Variants in RBM47 observed in about 807,000 individuals in gnomAD.
RBM47 encodes RNA binding motif protein 47.
A neutral mutation model predicts 47.1 loss-of-function variants in RBM47; 21 were observed. The ratio of observed to expected loss-of-function variants is 0.45; its 90% CI spans 0.32 to 0.64. RBM47 has a LOEUF of 0.64. RBM47 is among the 30% of genes least tolerant of loss of function. The pLI, the probability that RBM47 is intolerant of heterozygous loss-of-function variation, is 0.05. For synonymous variants in RBM47, 375 were observed against 361.7 expected (o/e 1.04, Z -0.42); for missense variants, 708 against 870.9 (o/e 0.81, Z 2.35).
chr4:40,536,890 TAA>T (rs1173015185), intron 2 of RBM47, among the ~76,000 whole-genome samples: 1 of 152,048 alleles, frequency 6.6e-6, no homozygotes, highest in Non-Finnish European at 1.5e-5. Flanking sequence ...CACGCCAGGC[TAA>T]GTTTTTGTAT....
chr4:40,473,957 G>T (rs1719266838), intron 2 of RBM47, among the ~76,000 whole-genome samples: 1 of 152,184 alleles, frequency 6.6e-6, no homozygotes, highest in African/African-American at 2.4e-5. Context: ...TGGTGGTGAT[G>T]AGATTATCAT....
chr4:40,602,697 ATGGGCAAT>A (rs773704854), intron 1 of RBM47, among the ~76,000 whole-genome samples: 6 of 151,938 alleles, frequency 3.9e-5, no homozygotes, highest in Non-Finnish European at 7.4e-5. Flanking sequence ...AACTAGCCAA[ATGGGCAAT>A]TGAGAGAAGC....
intron 2 of RBM47, among the ~76,000 whole-genome samples, chr4:40,524,698 G>A (rs1005333938): frequency 1.3e-5 from 2 of 152,202 alleles, no homozygotes; most frequent in Non-Finnish European, 2.9e-5. Context: ...TCAGCTCACT[G>A]CAGCCTTGAC....
intron 1 of RBM47, among the ~76,000 whole-genome samples, chr4:40,564,389 G>A (rs553923662): frequency 2.0e-5 from 3 of 152,124 alleles, no homozygotes; most frequent in Non-Finnish European, 1.5e-5. Flanking sequence ...AGCTACCCCC[G>A]AACCTGCACA....
rs1403953939 is a variant in RBM47, at chr4:40,565,076, G to A, written c.-239-20570C>T. 2.6e-5 allele frequency among the ~76,000 whole-genome samples: 4 copies of A among 152,216 alleles called. No homozygotes were observed. In the East Asian group the frequency reaches 7.7e-4, roughly 29 times the overall value. On this transcript the variant is annotated intron_variant, in intron 1 of 6. Coordinates refer to ENST00000295971, the MANE Select transcript of RBM47 (RefSeq NM_001098634.2). ...CTCAGCCTTGGTGAGAACACAAAGA[G>A]AATTTCTCCTTGTCTGCAGATGCAA...
At chr4:40,444,529 C>T (rs1477670897) in intron 3 of RBM47, among the ~76,000 whole-genome samples, 7 of 152,126 alleles carry the variant, frequency 4.6e-5, no homozygotes, top group Admixed American at 4.6e-4. Context: ...AAGGTATTTA[C>T]TCTCCGGCTC....
intron 6 of RBM47, among the ~76,000 whole-genome samples, chr4:40,429,120 C>T (rs1328549019): frequency 1.3e-5 from 2 of 152,156 alleles, no homozygotes; most frequent in African/African-American, 4.8e-5. Flanking sequence ...ACGACACTGT[C>T]TGTGCTCCAT....
At chr4:40,619,647 C>G (rs1737071659) in intron 1 of RBM47, among the ~76,000 whole-genome samples, 1 of 152,160 alleles carries the variant, frequency 6.6e-6, no homozygotes, top group African/African-American at 2.4e-5. Context: ...GAACGCTACT[C>G]CATCTAGCGA....
At chr4:40,550,096 G>A (rs989855849) in intron 1 of RBM47, among the ~76,000 whole-genome samples, 7 of 152,190 alleles carry the variant, frequency 4.6e-5, no homozygotes, top group African/African-American at 1.7e-4. Flanking sequence ...CAGCCACAAA[G>A]GGTCAAACCC....
chr4:40,432,800 T>A lies in RBM47; in HGVS notation c.1393A>T (p.Ile465Phe). Residue 465 changes from isoleucine to phenylalanine, a missense_variant, in exon 6 of 7, where the codon ATT becomes TTT. Ile to Phe is a conservative substitution (Grantham distance 21). Transcript: ENST00000295971. ...MFPAAPAPKM[I>F]EDGKIHTVEH... is the part of the protein sequence containing the mutation. ...ACTGTGTGGATTTTGCCATCTTCAA[T>A]CATTTTAGGGGCTGGAGCTGCTGGA... 1.9e-6 allele frequency: 3 copies of A among 1,613,922 alleles called. No homozygotes were observed. The highest frequency in any genetic ancestry group is 2.5e-6 in the Non-Finnish European group (3 of 1,179,988).
At chr4:40,498,555 G>C (rs536962842) in intron 2 of RBM47, among the ~76,000 whole-genome samples, 1 of 150,844 alleles carries the variant, frequency 6.6e-6, no homozygotes, top group Admixed American at 6.7e-5. Flanking sequence ...GTGCTTGTCT[G>C]AAGTCCCAAC....
At chr4:40,578,798 C>T (rs1266625791) in intron 1 of RBM47, among the ~76,000 whole-genome samples, 1 of 152,206 alleles carries the variant, frequency 6.6e-6, no homozygotes, top group African/African-American at 2.4e-5. Context: ...GTGCTTGGCA[C>T]AATGCTACAC....
At chr4:40,545,354 G>T (rs2154262794) in intron 1 of RBM47, among the ~76,000 whole-genome samples, 1 of 147,668 alleles carries the variant, frequency 6.8e-6, no homozygotes, top group East Asian at 2.1e-4. Flanking sequence ...CCCGGCCTGA[G>T]ATCCTGTCTT....
chr4:40,434,616 ACTTTGCCCAC>A (rs3834212), intron 5 of RBM47, among the ~76,000 whole-genome samples: 86,120 of 149,648 alleles, frequency 0.58, 26,981 homozygotes, highest in South Asian at 0.75. Context: ...GATCAGTTTT[ACTTTGCCCAC>A]AGTGCCAATG....
chr4:40,622,911 G>C (rs1578088243), intron 1 of RBM47, among the ~76,000 whole-genome samples: 1 of 152,144 alleles, frequency 6.6e-6, no homozygotes, highest in Admixed American at 6.6e-5. Context: ...CTGGATACTG[G>C]GTTAAGAAAG....
chr4:40,511,169 C>A (rs936350061), intron 2 of RBM47, among the ~76,000 whole-genome samples: 5 of 152,224 alleles, frequency 3.3e-5, no homozygotes, highest in African/African-American at 1.2e-4. Flanking sequence ...CGAGCTCCTA[C>A]GCATGTGACT....
intron 5 of RBM47, among the ~76,000 whole-genome samples, chr4:40,434,711 A>G (rs994407400): frequency 1.4e-5 from 1 of 70,626 alleles, no homozygotes; most frequent in Non-Finnish European, 3.0e-5. Context: ...GGCAAAAAAA[A>G]AAAAAAAAAA....
chr4:40,515,182 A>G (rs1314696451), intron 2 of RBM47, among the ~76,000 whole-genome samples: 3 of 152,226 alleles, frequency 2.0e-5, no homozygotes, highest in Non-Finnish European at 4.4e-5. Context: ...CAACTGAAGG[A>G]TAACAGAAAC....
intron 1 of RBM47, among the ~76,000 whole-genome samples, chr4:40,562,188 A>G (rs1378866199): frequency 6.6e-6 from 1 of 152,190 alleles, no homozygotes; most frequent in Non-Finnish European, 1.5e-5. Flanking sequence ...GGACTCTAAG[A>G]CTAGCAGGAG....
Sources: allele counts gnomAD v4.1 joint callset (sites outside exome capture counted in the v4.1 genomes callset), GRCh38; gene constraint gnomAD v4.1.1; transcripts MANE v1.5; gene names NCBI Gene and HGNC (gene_info 2026-07-23, HGNC 2026-07-21).